Variants in CHD2 observed in about 807,000 individuals in gnomAD.
CHD2 encodes chromodomain helicase DNA binding protein 2, also known as ATP-dependent chromatin remodeler CHD2.
CHD2 carries 28 observed loss-of-function variants against 243.9 expected under a neutral mutation model. The observed-to-expected ratio is 0.11, with a 90% CI of 0.09 to 0.16. The LOEUF (loss-of-function observed/expected upper bound fraction) is 0.16. Among genes scored for constraint, CHD2 ranks in the 10% least tolerant of loss-of-function variants. The pLI is 1.00. For missense variants in CHD2, 1,386 were observed against 2,209.8 expected, an observed-to-expected ratio of 0.63 and a Z score of 7.47; for synonymous variants, 775 against 779.0, an observed-to-expected ratio of 0.99 and a Z score of 0.09.
chr15:92,934,464 A>C (rs948655999), intron 5 of CHD2, among the ~76,000 whole-genome samples: 1 of 152,196 alleles, frequency 6.6e-6, no homozygotes, highest in African/African-American at 2.4e-5. Flanking sequence ...TGGATATTGT[A>C]AGTTTCCTTT....
In CHD2 at chr15:92,942,893, A is replaced by C. The variant is rs747538358; in HGVS notation, c.877A>C (p.Ser293Arg). 6.2e-7 allele frequency: 1 copy of C among 1,614,020 alleles called. No individual in the cohort carries two copies. The highest frequency in any genetic ancestry group is 2.2e-5 in the East Asian group (1 of 44,874). ...VYAIEANGDPSGDFDTEKDEG... is the reference protein window; with the variant it reads ...VYAIEANGDPRGDFDTEKDEG... The stretch of plus-strand genomic sequence containing the variant: ...TGCGATTGAAGCTAATGGCGACCCT[A>C]GTGGTGACTTTGACACTGAAAAGGA... The change falls in exon 9 of 39, where the codon AGT (serine) becomes CGT (arginine). Residue 293 changes from serine to arginine, a missense_variant. By Grantham distance (110) the Ser-to-Arg change is moderately radical. This residue lies in a region of CHD2 where 200 missense variants were observed against 292.5 expected (regional missense o/e 0.68). Transcript: ENST00000394196.
chr15:92,967,281 T>C, intron 16 of CHD2, 44 bp from the exon 17 acceptor site: 1 of 1,388,598 alleles, frequency 7.2e-7, no homozygotes, highest in East Asian at 2.4e-5. Context: ...CTATTCTTCT[T>C]TTCCTCAATG....
chr15:93,002,417 C>G, intron 33 of CHD2, 100 bp downstream of exon 33: 1 of 1,521,764 alleles, frequency 6.6e-7, no homozygotes, highest in Non-Finnish European at 8.7e-7. Context: ...GAATAATTGT[C>G]TTTTTATGGG....
intron 24 of CHD2, among the ~76,000 whole-genome samples, chr15:92,983,817 A>C (rs563186138): frequency 8.5e-5 from 13 of 152,336 alleles, no homozygotes; most frequent in African/African-American, 2.2e-4. Flanking sequence ...ACTTGTGAGC[A>C]TATGAAATCA....
chr15:92,921,770 A>G (rs2052960606), intron 2 of CHD2, among the ~76,000 whole-genome samples: 1 of 152,164 alleles, frequency 6.6e-6, no homozygotes, highest in South Asian at 2.1e-4. Context: ...AGATGTTCTT[A>G]TGACACTACT....
At position 93,024,741 on chromosome 15, in the gene CHD2, AAC is replaced by A. The variant is rs772922032; in HGVS notation, c.*39_*40del. 18 of 1,545,152 alleles carry A rather than the reference AAC, an allele frequency of 1.2e-5. No individual in the cohort carries two copies. Among genetic ancestry groups the A allele is most frequent in the African/African-American group, 1.4e-5 (1 of 72,642 alleles). On this transcript the variant is annotated 3_prime_UTR_variant, in exon 39 of 39. Transcript: ENST00000394196. ...GTAAAGGAGAGAGTAAGAGTCACCAAACACGTGGATATTTTTGGTCTGATCCT... is the reference window on the plus strand; with the variant it reads ...GTAAAGGAGAGAGTAAGAGTCACCAAACGTGGATATTTTTGGTCTGATCCT...
At chr15:93,009,022 C>T (rs2054357793) in intron 34 of CHD2, 123 bp from the exon 35 acceptor site, 5 of 1,118,180 alleles carry the variant, frequency 4.5e-6, no homozygotes, top group Admixed American at 2.6e-5. Flanking sequence ...GCTTTACCCA[C>T]TCTTCCTCTA....
At chr15:92,949,927 A>G (rs1478313925) in intron 13 of CHD2, among the ~76,000 whole-genome samples, 3 of 152,212 alleles carry the variant, frequency 2.0e-5, no homozygotes, top group Non-Finnish European at 2.9e-5. Flanking sequence ...TCCTGTCTCC[A>G]TTGGCTGGAG....
chr15:92,980,822 C>A lies in CHD2; in HGVS notation c.2884C>A (p.Pro962Thr). 4 of 1,612,110 alleles carry A rather than the reference C, an allele frequency of 2.5e-6. No homozygotes were observed. Among genetic ancestry groups the A allele is most frequent in the Non-Finnish European group, 2.5e-6 (3 of 1,178,544 alleles). The change falls in exon 23 of 39, where the codon CCT becomes ACT. Residue 962 changes from proline to threonine, a missense_variant. This residue lies in a region of CHD2 where 99 missense variants were observed against 206.4 expected (regional missense o/e 0.48). Coordinates refer to ENST00000394196, the MANE Select transcript of CHD2 (RefSeq NM_001271.4). ...ENNSGRSNSN[P>T]FNKEELTAIL... ...TACATTTTACTTCCACAGCTCAAAT[C>A]CTTTTAATAAAGAAGAGCTGACAGC...
At position 92,996,769 on chromosome 15, in the gene CHD2, T is replaced by C. The variant is rs1304095231; in HGVS notation, c.3596-188T>C. The stretch of plus-strand genomic sequence containing the variant: ...AAAAGAATTCCAAATCTTAAAAGAC[T>C]GAATGTTCAGAGGTTATTTTACAGA... On this transcript the variant is annotated intron_variant, in intron 28 of 38. Transcript: ENST00000394196. 2.0e-5 allele frequency among the ~76,000 whole-genome samples: 3 copies of C among 152,194 alleles called. No individual in the cohort carries two copies. The East Asian group carries it at 5.8e-4, about 29-fold the overall frequency.
intron 16 of CHD2, among the ~76,000 whole-genome samples, chr15:92,959,529 C>T (rs974899501): frequency 6.6e-6 from 1 of 152,090 alleles, no homozygotes; most frequent in Non-Finnish European, 1.5e-5. Flanking sequence ...CTTGCTCTGT[C>T]ACCCAGGCTG....
chr15:93,027,899 A>G lies in CHD2; in HGVS notation c.*3194A>G, dbSNP rs1162489320. On this transcript the variant is annotated 3_prime_UTR_variant, in exon 39 of 39. Coordinates refer to ENST00000394196, the MANE Select transcript of CHD2 (RefSeq NM_001271.4). ...GTCCTAGTGATTTCTGATGTAAATA[A>G]TGTTGTTTATATAGTATGTATTAAA... 4 of 152,692 alleles carry G rather than the reference A, an allele frequency of 2.6e-5. No individual in the cohort carries two copies. The highest frequency in any genetic ancestry group is 9.6e-5 in the African/African-American group (4 of 41,460). 9.5% of individuals were successfully genotyped at this position (152,692 alleles called of 1,614,324 possible).
chr15:92,944,864 T>C (rs951796339), intron 10 of CHD2: 1 of 156,488 alleles, frequency 6.4e-6, no homozygotes, highest in African/African-American at 2.4e-5. Flanking sequence ...GTGGAGAATA[T>C]AGTGAAGGCT....
At chr15:93,024,142 A>G (rs1167892237) in intron 38 of CHD2, among the ~76,000 whole-genome samples, 6 of 136,326 alleles carry the variant, frequency 4.4e-5, no homozygotes, top group African/African-American at 1.6e-4. Context: ...AAAAGCCATC[A>G]GTAATTTTTC....
At chr15:93,015,872 T>C (rs1429079711) in intron 37 of CHD2, among the ~76,000 whole-genome samples, 1 of 152,070 alleles carries the variant, frequency 6.6e-6, no homozygotes, top group East Asian at 1.9e-4. Flanking sequence ...TTGCCAAGGA[T>C]GTGGAGGAAA....
At chr15:92,978,943 C>G (rs998559254) in intron 21 of CHD2, among the ~76,000 whole-genome samples, 192 bp from the exon 22 acceptor site, 1 of 152,180 alleles carries the variant, frequency 6.6e-6, no homozygotes, top group East Asian at 1.9e-4. Context: ...AGACTGTAAC[C>G]TGCTGCACAT....
chr15:93,015,227 C>CA lies in CHD2; in HGVS notation c.4906+319dup, dbSNP rs569131107. 2.0e-3 allele frequency among the ~76,000 whole-genome samples: 311 copies of CA among 152,238 alleles called. 1 individual carries two copies. The highest frequency in any genetic ancestry group is 7.0e-3 in the African/African-American group (290 of 41,538). ...CCGAGTAGCTGGGATTACAGATGTG[C>CA]ACCACCACGCTGAGCTAATTTTTAA... is the stretch of plus-strand genomic sequence containing the variant. On this transcript the variant is annotated intron_variant, in intron 37 of 38. Coordinates refer to ENST00000394196, the MANE Select transcript of CHD2 (RefSeq NM_001271.4).
chr15:92,996,975 G>A lies in CHD2; in HGVS notation c.3614G>A (p.Arg1205Lys), dbSNP rs559187972. Residue 1205 changes from arginine to lysine, a missense_variant, in exon 29 of 39, where the codon AGG (arginine) becomes AAG (lysine). By Grantham distance (26) the Arg-to-Lys change is conservative. This residue lies in a region of CHD2 where 99 missense variants were observed against 176.9 expected (regional missense o/e 0.56). Coordinates refer to ENST00000394196, the MANE Select transcript of CHD2 (RefSeq NM_001271.4). ...TTTTCAGGAAAAGGACCAGGGAAAAGGAGAGGTCCAACAATCAAGATATCC... is the reference window on the plus strand; with the variant it reads ...TTTTCAGGAAAAGGACCAGGGAAAAAGAGAGGTCCAACAATCAAGATATCC... ...NASEGKGPGK[R>K]RGPTIKISGV... The A allele has an allele frequency of 2.1e-5, 34 of 1,607,842 alleles. No homozygotes were observed. Among genetic ancestry groups the A allele is most frequent in the Admixed American group, 6.9e-5 (4 of 58,340 alleles).
At chr15:92,904,962 T>A in intron 2 of CHD2, 1 of 1,536,108 alleles carries the variant, frequency 6.5e-7, no homozygotes. Context: ...CGTTTTTACT[T>A]GGTACCGTAC....
Sources: allele counts gnomAD v4.1 joint callset (sites outside exome capture counted in the v4.1 genomes callset), GRCh38; gene constraint gnomAD v4.1.1; regional missense constraint gnomAD v4.1.1; transcripts MANE v1.5; gene names NCBI Gene and HGNC (gene_info 2026-07-23, HGNC 2026-07-21).